Variants in CYB5A observed in about 807,000 individuals in gnomAD.
CYB5A encodes cytochrome b5 type A, also known as cytochrome b5.
CYB5A carries 10 observed loss-of-function variants against 16.2 expected under a neutral mutation model. The ratio of observed to expected loss-of-function variants is 0.62; its 90% CI spans 0.38 to 1.04. The LOEUF is 1.04. Among genes scored for constraint, CYB5A ranks in the 50% least tolerant of loss-of-function variants. The probability of loss-of-function intolerance (pLI) is 0.01; values close to 1 mark genes in which losing one functional copy is unlikely to be tolerated. For missense variants in CYB5A, 161 were observed against 165.9 expected, an observed-to-expected ratio of 0.97 and a Z score of 0.16; for synonymous variants, 62 against 57.0, an observed-to-expected ratio of 1.09 and a Z score of -0.40.
rs970508248 is a variant in CYB5A at position 74,253,322 on chromosome 18, A to G, written c.*262T>C. On this transcript the variant is annotated 3_prime_UTR_variant, in exon 5 of 5. Transcript: ENST00000340533. ...ACTTTAAAAGCCAAATATATTTTTA[A>G]AAGATCATGCTTATAATAAGTAAAT... 2 of 387,276 alleles carry G rather than the reference A, an allele frequency of 5.2e-6. No homozygotes were observed. The highest frequency in any genetic ancestry group is 4.2e-5 in the African/African-American group (2 of 48,118). The allele number at this position is 387,276 out of a possible 1,614,324, so 24.0% of individuals were successfully genotyped here.
At chr18:74,268,037 GT>G (rs1172415556) in intron 1 of CYB5A, among the ~76,000 whole-genome samples, 2 of 152,314 alleles carry the variant, frequency 1.3e-5, no homozygotes, top group South Asian at 4.1e-4. Context: ...ATTTCCATTT[GT>G]TTTTGTTATT....
intron 1 of CYB5A, among the ~76,000 whole-genome samples, chr18:74,285,225 A>T (rs931803033): frequency 6.6e-6 from 1 of 152,174 alleles, no homozygotes; most frequent in African/African-American, 2.4e-5. Context: ...GCAAGTCCCT[A>T]CAACAAAACC....
In CYB5A at chr18:74,260,904, G is replaced by T. The variant is rs1461324553; in HGVS notation, c.288+11C>A. 1.9e-6 allele frequency: 3 copies of T among 1,609,084 alleles called. No homozygotes were observed. Among genetic ancestry groups the T allele is most frequent in the Non-Finnish European group, 2.6e-6 (3 of 1,175,612 alleles). The stretch of plus-strand genomic sequence containing the variant: ...AGAACATCCAGAGATACTTGAGATG[G>T]TCACACTTACCGGAGGCTTGTTTAA... On this transcript the variant is annotated intron_variant, in intron 3 of 4. Coordinates refer to ENST00000340533, the MANE Select transcript of CYB5A (RefSeq NM_148923.4).
chr18:74,267,987 G>A (rs549630264), intron 1 of CYB5A, among the ~76,000 whole-genome samples: 1 of 152,346 alleles, frequency 6.6e-6, no homozygotes, highest in South Asian at 2.1e-4. Flanking sequence ...CTGTTTCCAC[G>A]TGAGCTGACC....
At chr18:74,278,313 C>T (rs954244765) in intron 1 of CYB5A, among the ~76,000 whole-genome samples, 4 of 152,206 alleles carry the variant, frequency 2.6e-5, no homozygotes, top group African/African-American at 9.7e-5. Context: ...GTCCCTCAGG[C>T]ACAGTCTATC....
At chr18:74,286,520 G>A (rs183070323) in intron 1 of CYB5A, among the ~76,000 whole-genome samples, 33 of 152,202 alleles carry the variant, frequency 2.2e-4, no homozygotes, top group African/African-American at 7.0e-4. Context: ...TTTTTCCAGT[G>A]TTCTCACATA....
chr18:74,268,702 G>A (rs577240033), intron 1 of CYB5A, among the ~76,000 whole-genome samples: 2 of 152,192 alleles, frequency 1.3e-5, no homozygotes, highest in Admixed American at 6.5e-5. Flanking sequence ...GCTTCCGGAC[G>A]GTAAGGATGG....
intron 3 of CYB5A, 37 bp downstream of exon 3, chr18:74,260,878 G>C: frequency 6.3e-7 from 1 of 1,587,042 alleles, no homozygotes. Flanking sequence ...TAAATACAAC[G>C]AGAACATCCA....
intron 1 of CYB5A, among the ~76,000 whole-genome samples, chr18:74,288,027 T>C (rs779653855): frequency 6.6e-6 from 1 of 152,148 alleles, no homozygotes; most frequent in Non-Finnish European, 1.5e-5. Context: ...GTTCAAAATA[T>C]GTAGGCAATA....
At chr18:74,271,424 C>A (rs182335914) in intron 1 of CYB5A, among the ~76,000 whole-genome samples, 2 of 152,150 alleles carry the variant, frequency 1.3e-5, no homozygotes, top group Non-Finnish European at 2.9e-5. Context: ...ATAGCTACCA[C>A]GGGTACCTCT....
intron 1 of CYB5A, among the ~76,000 whole-genome samples, chr18:74,280,972 T>C (rs1983075583): frequency 6.6e-6 from 1 of 152,056 alleles, no homozygotes; most frequent in Non-Finnish European, 1.5e-5. Context: ...CACTCTATTA[T>C]GGTGAGAATA....
intron 1 of CYB5A, among the ~76,000 whole-genome samples, chr18:74,265,300 C>A (rs1451048834): frequency 6.6e-6 from 1 of 152,112 alleles, no homozygotes; most frequent in Non-Finnish European, 1.5e-5. Context: ...CATCATCTTG[C>A]CTCCAGAGAG....
intron 1 of CYB5A, among the ~76,000 whole-genome samples, chr18:74,269,164 A>G (rs1286325656): frequency 6.6e-6 from 1 of 152,184 alleles, no homozygotes; most frequent in African/African-American, 2.4e-5. Context: ...CTGCATTGTA[A>G]ACAGTAATGT....
chr18:74,260,668 G>A (rs1460323512), intron 3 of CYB5A: 1 of 570,444 alleles, frequency 1.8e-6, no homozygotes, highest in Non-Finnish European at 3.3e-6. Flanking sequence ...GGTATATATT[G>A]ATAATTATGA....
chr18:74,258,080 T>C (rs1431460868), intron 3 of CYB5A: 1 of 152,182 alleles, frequency 6.6e-6, no homozygotes, highest in African/African-American at 2.4e-5. Flanking sequence ...TAAACTTTAG[T>C]GGGAAGCCTA....
At chr18:74,267,345 C>T (rs1468167319) in intron 1 of CYB5A, among the ~76,000 whole-genome samples, 7 of 152,206 alleles carry the variant, frequency 4.6e-5, no homozygotes, top group Middle Eastern at 3.4e-3. Flanking sequence ...TTAGTAGAGA[C>T]GGGATTTCAC....
chr18:74,281,388 C>A (rs1166168692), intron 1 of CYB5A, among the ~76,000 whole-genome samples: 1 of 152,170 alleles, frequency 6.6e-6, no homozygotes, highest in African/African-American at 2.4e-5. Flanking sequence ...TGTGAGCCTG[C>A]CAAAGCGGAA....
At chr18:74,260,508 C>T (rs1198497498) in intron 3 of CYB5A, 1 of 310,842 alleles carries the variant, frequency 3.2e-6, no homozygotes, top group Non-Finnish European at 6.2e-6. Context: ...GCCCAAGAGA[C>T]TTAAAGATGA....
At chr18:74,261,021 A>C (rs1051524534) in intron 2 of CYB5A, 77 bp from the exon 3 acceptor site, 4 of 1,111,632 alleles carry the variant, frequency 3.6e-6, no homozygotes, top group Admixed American at 1.7e-5. Flanking sequence ...TGACTTTGAG[A>C]CTTTTTAAAA....
Sources: allele counts gnomAD v4.1 joint callset (sites outside exome capture counted in the v4.1 genomes callset), GRCh38; gene constraint gnomAD v4.1.1; transcripts MANE v1.5; gene names NCBI Gene and HGNC (gene_info 2026-07-23, HGNC 2026-07-21).